The following TRPM3 variants were observed in gnomAD, a reference collection of about 807,000 sequenced individuals.
TRPM3 encodes the protein transient receptor potential cation channel subfamily M member 3.
A neutral mutation model predicts 181.2 loss-of-function variants in TRPM3; 77 were observed. That is an observed-to-expected ratio of 0.42 (90% CI 0.35 to 0.51). The LOEUF (loss-of-function observed/expected upper bound fraction) is 0.51, where lower values mean the gene tolerates loss of function less well. Among genes scored for constraint, TRPM3 ranks in the 20% least tolerant of loss-of-function variants. The pLI is 0.01. For missense variants in TRPM3, 1,759 were observed against 2,196.7 expected, an observed-to-expected ratio of 0.80 and a Z score of 3.98; for synonymous variants, 745 against 796.4, an observed-to-expected ratio of 0.94 and a Z score of 1.09.
At chr9:71,419,307 C>T (rs191948633) in intron 1 of TRPM3, among the ~76,000 whole-genome samples, 1 of 151,936 alleles carries the variant, frequency 6.6e-6, no homozygotes, top group African/African-American at 2.4e-5. Context: ...TAAAAAAAGC[C>T]TATTTCCCCC....
intron 6 of TRPM3, among the ~76,000 whole-genome samples, chr9:70,823,651 T>G (rs11142602): frequency 0.022 from 3,359 of 151,836 alleles, 50 homozygotes; most frequent in Non-Finnish European, 0.034. Context: ...CTATCGGCCA[T>G]CACACAGTTA....
chr9:70,582,453 A>G (rs1034465086), intron 22 of TRPM3, among the ~76,000 whole-genome samples: 1 of 152,158 alleles, frequency 6.6e-6, no homozygotes, highest in Non-Finnish European at 1.5e-5. Flanking sequence ...CTGAGCACCT[A>G]CATTGTGTGA....
intron 5 of TRPM3, among the ~76,000 whole-genome samples, chr9:70,834,291 G>T (rs2094151711): frequency 6.6e-6 from 1 of 152,198 alleles, no homozygotes; most frequent in Non-Finnish European, 1.5e-5. Flanking sequence ...GTTGCACACT[G>T]CAGAGCAGCA....
rs182074366 is a variant in TRPM3, at chr9:70,866,412, A to C, written c.178-1901T>G. Reference sequence around the variant, plus strand: ...AGAGCATGAGGTCTGCATTTAGAAAAAATGGTGTGAGTGGGACACTGTGAC... The same window carrying C: ...AGAGCATGAGGTCTGCATTTAGAAACAATGGTGTGAGTGGGACACTGTGAC... On this transcript the variant is annotated intron_variant, in intron 1 of 25. Transcript: ENST00000677713. Among the ~76,000 whole-genome samples, 3 of 152,176 alleles carry C rather than the reference A, an allele frequency of 2.0e-5. No individual in the cohort carries two copies. In the East Asian group the frequency reaches 5.8e-4, roughly 30 times the overall value.
chr9:70,869,008 G>A (rs2095723219), intron 1 of TRPM3: 3 of 985,052 alleles, frequency 3.0e-6, no homozygotes, highest in African/African-American at 1.7e-5. Flanking sequence ...TCTGGGTACT[G>A]GCAAAAGCAG....
At chr9:70,634,244 A>G (rs934308292) in intron 12 of TRPM3, among the ~76,000 whole-genome samples, 10 of 151,970 alleles carry the variant, frequency 6.6e-5, no homozygotes, top group East Asian at 1.9e-4. Flanking sequence ...CAAGTAGCTG[A>G]GCTTACAGGC....
At chr9:71,083,881 C>A (rs993938776) in intron 1 of TRPM3, among the ~76,000 whole-genome samples, 3 of 151,542 alleles carry the variant, frequency 2.0e-5, no homozygotes, top group Non-Finnish European at 4.4e-5. Context: ...TATATAGATA[C>A]ATATATATAG....
At chr9:71,045,594 A>G (rs1234199015) in intron 1 of TRPM3, among the ~76,000 whole-genome samples, 2 of 152,220 alleles carry the variant, frequency 1.3e-5, no homozygotes, top group Non-Finnish European at 2.9e-5. Context: ...AGAAGCAGCA[A>G]TGAGGATGAG....
intron 1 of TRPM3, among the ~76,000 whole-genome samples, chr9:70,913,765 A>C (rs2096562440): frequency 1.3e-5 from 2 of 152,092 alleles, no homozygotes; most frequent in Admixed American, 1.3e-4. Context: ...TGAGCAACTC[A>C]ATGTCTCTCT....
chr9:71,350,876 G>GA lies in TRPM3; in HGVS notation c.183+95776dup, dbSNP rs559509187. Among the ~76,000 whole-genome samples, 143 of 152,294 alleles carry GA rather than the reference G, an allele frequency of 9.4e-4. 1 individual carries two copies. Among genetic ancestry groups the GA allele is most frequent in the South Asian group, 6.0e-3 (29 of 4,822 alleles). On this transcript the variant is annotated intron_variant, in intron 1 of 24. Transcript: ENST00000357533. Reference sequence around the variant, plus strand: ...TGAAAGATCAATGGTAACTGGTGTGGAAGATATTTTGGGGAGGGGGCGATA... The same window carrying GA: ...TGAAAGATCAATGGTAACTGGTGTGGAAAGATATTTTGGGGAGGGGGCGATA...
chr9:71,012,407 G>GTTT (rs11449061), intron 1 of TRPM3, among the ~76,000 whole-genome samples: 2,781 of 140,772 alleles, frequency 0.02, 38 homozygotes, highest in Middle Eastern at 0.047. Context: ...CTTTATAGTT[G>GTTT]TTTTTTTTTT....
At chr9:70,878,141 G>A (rs980364569) in intron 1 of TRPM3, among the ~76,000 whole-genome samples, 10 of 151,958 alleles carry the variant, frequency 6.6e-5, no homozygotes, top group African/African-American at 1.7e-4. Context: ...ATTTGAAAGC[G>A]AATTGTTATG....
At chr9:70,756,220 C>T (rs1462677472) in intron 8 of TRPM3, among the ~76,000 whole-genome samples, 1 of 151,718 alleles carries the variant, frequency 6.6e-6, no homozygotes, top group Non-Finnish European at 1.5e-5. Context: ...AGACTTTAAA[C>T]CAACCGAGAC....
intron 6 of TRPM3, among the ~76,000 whole-genome samples, chr9:70,812,427 A>T (rs763041148): frequency 3.9e-5 from 6 of 152,224 alleles, no homozygotes; most frequent in Non-Finnish European, 8.8e-5. Context: ...AAGCAATATC[A>T]CTTGAAGCAC....
At chr9:70,743,629 AG>A (rs1416856086) in intron 8 of TRPM3, among the ~76,000 whole-genome samples, 1 of 151,934 alleles carries the variant, frequency 6.6e-6, no homozygotes, top group African/African-American at 2.4e-5. Flanking sequence ...ACTGGAATGG[AG>A]AGACTAGGGG....
chr9:71,184,129 G>A (rs1032420485), intron 1 of TRPM3, among the ~76,000 whole-genome samples: 14 of 152,068 alleles, frequency 9.2e-5, no homozygotes, highest in Admixed American at 5.2e-4. Flanking sequence ...GGTGCTCTTC[G>A]AGATGTTACC....
At chr9:70,863,808 G>T (rs545878001) in intron 2 of TRPM3, among the ~76,000 whole-genome samples, 100 of 152,170 alleles carry the variant, frequency 6.6e-4, no homozygotes, top group Non-Finnish European at 1.3e-3. Context: ...TTGTATAGAT[G>T]AAATATTGTA....
At position 70,533,310 on chromosome 9, in the gene TRPM3, T is replaced by C. The variant is rs2041142436; in HGVS notation, c.*2643A>G. 2 of 152,208 alleles carry C rather than the reference T, an allele frequency of 1.3e-5. No homozygotes were observed. 9.4% of individuals were successfully genotyped at this position (152,208 alleles called of 1,614,324 possible). On this transcript the variant is annotated 3_prime_UTR_variant, in exon 26 of 26. Transcript: ENST00000677713. Reference sequence around the variant, plus strand: ...TAGACCCTTCAGGGAGACTTCAGCATTGTGATTGTGCTTGATACTTAAAAT... The same window carrying C: ...TAGACCCTTCAGGGAGACTTCAGCACTGTGATTGTGCTTGATACTTAAAAT...
intron 1 of TRPM3, among the ~76,000 whole-genome samples, chr9:70,937,127 G>A (rs902417779): frequency 3.3e-5 from 5 of 152,052 alleles, no homozygotes; most frequent in African/African-American, 1.2e-4. Flanking sequence ...TCACCACATG[G>A]CAAGAGTTGA....
Sources: allele counts gnomAD v4.1 joint callset (sites outside exome capture counted in the v4.1 genomes callset), GRCh38; gene constraint gnomAD v4.1.1; transcripts MANE v1.5; gene names NCBI Gene and HGNC (gene_info 2026-07-23, HGNC 2026-07-21).